The following LRRC37A3 variants were observed in gnomAD, a reference collection of about 807,000 sequenced individuals.
LRRC37A3 encodes leucine rich repeat containing 37 member A3.
LRRC37A3 carries 25 observed loss-of-function variants against 106.2 expected under a neutral mutation model. The observed-to-expected ratio is 0.24, with a 90% CI of 0.17 to 0.33. LRRC37A3 has a LOEUF of 0.33. LRRC37A3 is among the 10% of genes least tolerant of loss of function. The pLI is 1.00. For synonymous variants in LRRC37A3, 305 were observed against 635.8 expected (o/e 0.48, Z 7.83); for missense variants, 712 against 1,644.9 (o/e 0.43, Z 9.81).
At chr17:64,873,734 G>T (rs2143466383) in intron 8 of LRRC37A3, among the ~76,000 whole-genome samples, 2 of 151,714 alleles carry the variant, frequency 1.3e-5, no homozygotes, top group South Asian at 4.2e-4. Flanking sequence ...AATTGAGATT[G>T]TTGACTCTGA....
chr17:64,859,431 GTA>G lies in LRRC37A3; in HGVS notation c.4704+9_4704+10del. 4 of 843,648 alleles carry G rather than the reference GTA, an allele frequency of 4.7e-6. No homozygotes were observed. The highest frequency in any genetic ancestry group is 2.3e-5 in the Admixed American group (1 of 43,644). 52.3% of individuals were successfully genotyped at this position (843,648 alleles called of 1,614,324 possible). ...GGAAATCTGGGTCTCATGTTTCTGTGTAGTCCTCACCTCAAGCGACTTCTCTT... is the reference window on the plus strand; with the variant it reads ...GGAAATCTGGGTCTCATGTTTCTGTGGTCCTCACCTCAAGCGACTTCTCTT... On this transcript the variant is annotated intron_variant, in intron 12 of 14. Transcript: ENST00000584306.
chr17:64,899,746 C>T (rs1251747452), intron 2 of LRRC37A3: 7 of 148,524 alleles, frequency 4.7e-5, no homozygotes, highest in African/African-American at 7.9e-5. Flanking sequence ...GGCCTGTGTT[C>T]GAGCAGCCCA....
rs776664491 is a variant in LRRC37A3, at chr17:64,858,864, C to T, written c.4724G>A (p.Gly1575Glu). The change falls in exon 13 of 15, where the codon GGA (glycine) becomes GAA (glutamate). Residue 1575 changes from glycine to glutamate, a missense_variant. Transcript: ENST00000584306. ...GATGAGTTTTTTGGTATAGCCATATCCTGGAAGTTCTTTTGTGAACTAAAA... is the reference window on the plus strand; with the variant it reads ...GATGAGTTTTTTGGTATAGCCATATTCTGGAAGTTCTTTTGTGAACTAAAA... ...KSLEFTKELPGYGYTKKLILA... is the reference protein window; with the variant it reads ...KSLEFTKELPEYGYTKKLILA... 2 of 1,607,624 alleles carry T rather than the reference C, an allele frequency of 1.2e-6. No individual in the cohort carries two copies. The highest frequency in any genetic ancestry group is 4.5e-5 in the East Asian group (2 of 44,824).
intron 13 of LRRC37A3, among the ~76,000 whole-genome samples, chr17:64,856,855 C>T (rs1388907902): frequency 3.3e-5 from 5 of 151,770 alleles, no homozygotes; most frequent in South Asian, 4.2e-4. Flanking sequence ...AAATTAGCTG[C>T]CTGCCTGTAG....
At chr17:64,875,010 GTT>G (rs1973459800) in intron 8 of LRRC37A3, among the ~76,000 whole-genome samples, 1 of 151,768 alleles carries the variant, frequency 6.6e-6, no homozygotes, top group Non-Finnish European at 1.5e-5. Context: ...TTGTTCACTT[GTT>G]TATCTGCTGA....
At chr17:64,884,511 G>A (rs1352120267) in intron 8 of LRRC37A3, among the ~76,000 whole-genome samples, 2 of 150,780 alleles carry the variant, frequency 1.3e-5, no homozygotes, top group African/African-American at 5.0e-5. Context: ...GATTACAGTT[G>A]CCTGCCACCA....
chr17:64,862,708 T>A (rs1972917002), intron 11 of LRRC37A3, among the ~76,000 whole-genome samples, 192 bp downstream of exon 11: 1 of 152,212 alleles, frequency 6.6e-6, no homozygotes, highest in Non-Finnish European at 1.5e-5. Context: ...TATTATTAAA[T>A]TTTGTAATAG....
chr17:64,872,568 G>A lies in LRRC37A3; in HGVS notation c.2907-3402C>T, dbSNP rs1016143861. On this transcript the variant is annotated intron_variant, in intron 8 of 14. Coordinates refer to ENST00000584306, the MANE Select transcript of LRRC37A3 (RefSeq NM_199340.5). ...TGTCTAGTGCTAAAGCCTCTCCACA[G>A]AGGGTGTTTTTGGAAAACAATTACA... Among the ~76,000 whole-genome samples the A allele has an allele frequency of 5.9e-5, 9 of 152,342 alleles. No homozygotes were observed. The East Asian group carries it at 1.5e-3, about 26-fold the overall frequency.
At chr17:64,873,449 C>T (rs1257166659) in intron 8 of LRRC37A3, among the ~76,000 whole-genome samples, 1 of 152,186 alleles carries the variant, frequency 6.6e-6, no homozygotes, top group African/African-American at 2.4e-5. Flanking sequence ...CACAAGCCAC[C>T]ATGCCTGGCC....
rs148415635 is a variant in LRRC37A3 at position 64,862,964 on chromosome 17, C to T, written c.3108G>A (p.Glu1036=). 1.1e-3 allele frequency: 1,769 copies of T among 1,598,634 alleles called. 21 individuals carry two copies. The African/African-American group carries it at 0.021, about 19-fold the overall frequency. Residue 1036 remains glutamate (E), a synonymous_variant, in exon 11 of 15, where the codon GAG becomes GAA. Coordinates refer to ENST00000584306, the MANE Select transcript of LRRC37A3 (RefSeq NM_199340.5). Reference sequence around the variant, plus strand: ...GCAGCTTGACTGTCTTGCAGACAGCCTCAATGCTGTTTTTAAATTGGCAGA... The same window carrying T: ...GCAGCTTGACTGTCTTGCAGACAGCTTCAATGCTGTTTTTAAATTGGCAGA... The part of the protein sequence containing the change: ...CCLCQFKNSI[E]AVCKTVKLHC...
intron 2 of LRRC37A3, among the ~76,000 whole-genome samples, chr17:64,917,245 C>CAAAAAAA (rs1283286984): frequency 3.5e-5 from 1 of 28,388 alleles, no homozygotes; most frequent in Non-Finnish European, 6.8e-5. Flanking sequence ...GACTCCATCT[C>CAAAAAAA]AAAAAAAAAA....
At position 64,874,536 on chromosome 17, in the gene LRRC37A3, G is replaced by A. The variant is rs1408256313; in HGVS notation, c.2907-5370C>T. On this transcript the variant is annotated intron_variant, in intron 8 of 14. Transcript: ENST00000584306. ...CGGGAGGTGGGGGGTGCCTCTGCCC[G>A]GCTGCCCCTTCTGGGAAGTGAGGAG... Among the ~76,000 whole-genome samples, 6 of 151,930 alleles carry A rather than the reference G, an allele frequency of 3.9e-5. No individual in the cohort carries two copies. In the South Asian group the frequency reaches 8.3e-4, roughly 21 times the overall value.
chr17:64,856,037 C>G (rs1288631610), intron 13 of LRRC37A3, 148 bp from the exon 14 acceptor site: 1 of 1,545,134 alleles, frequency 6.5e-7, no homozygotes, highest in Non-Finnish European at 8.7e-7. Context: ...TGTAACACTG[C>G]TTTGATTCTT....
chr17:64,865,831 C>A (rs1002567369), intron 10 of LRRC37A3, among the ~76,000 whole-genome samples: 3 of 152,224 alleles, frequency 2.0e-5, no homozygotes, highest in African/African-American at 7.2e-5. Context: ...TTAAAAAATT[C>A]AGAATCCAAT....
intron 8 of LRRC37A3, among the ~76,000 whole-genome samples, chr17:64,873,567 T>C (rs902636426): frequency 6.7e-6 from 1 of 149,826 alleles, no homozygotes; most frequent in African/African-American, 2.5e-5. Context: ...CAATGTCTCA[T>C]CAAATAGAGA....
intron 13 of LRRC37A3, among the ~76,000 whole-genome samples, chr17:64,858,007 G>T (rs1372440809): frequency 2.0e-5 from 3 of 152,138 alleles, no homozygotes; most frequent in Admixed American, 6.6e-5. Flanking sequence ...TCATGTAATC[G>T]AACAAAAGAC....
rs563047882 is a variant in LRRC37A3 at position 64,869,665 on chromosome 17, C to T, written c.2907-499G>A. On this transcript the variant is annotated intron_variant, in intron 8 of 14. Coordinates refer to ENST00000584306, the MANE Select transcript of LRRC37A3 (RefSeq NM_199340.5). ...ATTCTCCTGTTCTGCCTCAGCCTTC[C>T]GAGTAGCTGGGATTACAGGCACCCA... is the stretch of plus-strand genomic sequence containing the variant. Among the ~76,000 whole-genome samples the T allele has an allele frequency of 2.1e-3, 321 of 150,510 alleles. 1 individual carries two copies. The highest frequency in any genetic ancestry group is 6.9e-3 in the African/African-American group (278 of 40,390).
chr17:64,878,861 A>G (rs1475753812), intron 8 of LRRC37A3, among the ~76,000 whole-genome samples: 2 of 152,246 alleles, frequency 1.3e-5, no homozygotes, highest in Non-Finnish European at 2.9e-5. Flanking sequence ...GTCCACACAA[A>G]AAGTAGTAGA....
chr17:64,869,018 C>A (rs1307367566), intron 9 of LRRC37A3, 77 bp downstream of exon 9: 24 of 1,528,470 alleles, frequency 1.6e-5, no homozygotes, highest in Admixed American at 7.0e-5. Context: ...AGCCTAAATG[C>A]AAAATACTTA....
Sources: allele counts gnomAD v4.1 joint callset (sites outside exome capture counted in the v4.1 genomes callset), GRCh38; gene constraint gnomAD v4.1.1; transcripts MANE v1.5; gene names NCBI Gene and HGNC (gene_info 2026-07-23, HGNC 2026-07-21).